Variants in CDK13 observed in about 807,000 individuals in gnomAD.
The protein encoded by CDK13 is cyclin dependent kinase 13, also known as cyclin-dependent kinase 13.
A neutral mutation model predicts 137.6 loss-of-function variants in CDK13; 40 were observed. That is an observed-to-expected ratio of 0.29 (90% CI 0.23 to 0.38). CDK13 has a LOEUF of 0.38. Among genes scored for constraint, CDK13 ranks in the 10% least tolerant of loss-of-function variants. The pLI is 1.00. For synonymous variants in CDK13, 869 were observed against 760.1 expected (o/e 1.14, Z -2.36); for missense variants, 1,704 against 1,951.8 (o/e 0.87, Z 2.39).
At chr7:40,068,390 A>T (rs749708710) in intron 9 of CDK13, among the ~76,000 whole-genome samples, 1 of 151,826 alleles carries the variant, frequency 6.6e-6, no homozygotes, top group South Asian at 2.1e-4. Context: ...AGCATGCTGT[A>T]CTGTTACTAA....
chr7:40,073,593 T>G (rs1562760939), intron 9 of CDK13: 1 of 150,112 alleles, frequency 6.7e-6, no homozygotes, highest in Non-Finnish European at 1.5e-5. Flanking sequence ...TTTCTTTCTT[T>G]CTTTTTTTTT....
chr7:40,036,431 GT>G (rs1785485020), intron 5 of CDK13, among the ~76,000 whole-genome samples: 1 of 152,144 alleles, frequency 6.6e-6, no homozygotes, highest in Non-Finnish European at 1.5e-5. Context: ...AATTAGCCAG[GT>G]GTGGTGGCAG....
intron 1 of CDK13, among the ~76,000 whole-genome samples, chr7:39,957,984 G>A (rs924513636): frequency 1.3e-5 from 2 of 152,206 alleles, no homozygotes; most frequent in South Asian, 4.1e-4. Flanking sequence ...TATAAGCTTT[G>A]AAGTGGGTGT....
chr7:40,020,260 G>A (rs1182018953), intron 5 of CDK13, among the ~76,000 whole-genome samples: 1 of 151,950 alleles, frequency 6.6e-6, no homozygotes, highest in African/African-American at 2.4e-5. Context: ...TAGAGATGGG[G>A]TTTCTCTGTG....
chr7:40,095,068 A>G lies in CDK13; in HGVS notation c.*88A>G. The G allele has an allele frequency of 1.8e-6, 2 of 1,137,548 alleles. No individual in the cohort carries two copies. Among genetic ancestry groups the G allele is most frequent in the Non-Finnish European group, 2.3e-6 (2 of 860,090 alleles). 70.5% of individuals were successfully genotyped at this position (1,137,548 alleles called of 1,614,324 possible). A position where few individuals can be genotyped will look rare whatever the true frequency, so the allele number is the denominator to read the frequency against. On this transcript the variant is annotated 3_prime_UTR_variant, in exon 14 of 14. Transcript: ENST00000181839. ...GGCAGCAATCCAAGAGACTTGAATA[A>G]TAATAATTCAACAACAGCTTTATTT...
At chr7:40,078,336 G>A (rs1051995617) in intron 10 of CDK13, 6 of 386,996 alleles carry the variant, frequency 1.6e-5, no homozygotes, top group East Asian at 8.2e-5. Flanking sequence ...TGGTGCTTAC[G>A]TGAAAGAACT....
chr7:40,063,608 G>A (rs1205454086), intron 9 of CDK13, among the ~76,000 whole-genome samples: 1 of 151,978 alleles, frequency 6.6e-6, no homozygotes, highest in Non-Finnish European at 1.5e-5. Flanking sequence ...TAGTTCATAA[G>A]CAATTACTCA....
intron 1 of CDK13, among the ~76,000 whole-genome samples, chr7:39,972,874 A>C (rs527733786): frequency 6.6e-6 from 1 of 152,272 alleles, no homozygotes; most frequent in African/African-American, 2.4e-5. Flanking sequence ...AAGAGCTGTC[A>C]AGCTGTTTTT....
At position 39,951,542 on chromosome 7, in the gene CDK13, CGGGAGG is replaced by C. The variant is rs1408395390; in HGVS notation, c.902_907del (p.Arg301_Asp303delinsHis). ...CTACAAGGAACCGCCCAAGGCCTAC[CGGGAGG>C]ACAAGACCGAGCCTAAGGCCTACAG... is the stretch of plus-strand genomic sequence containing the variant. On this transcript the variant is annotated inframe_deletion, in exon 1 of 14. Transcript: ENST00000181839. 1 of 1,537,002 alleles carries C rather than the reference CGGGAGG, an allele frequency of 6.5e-7. No homozygotes were observed. The highest frequency in any genetic ancestry group is 8.7e-7 in the Non-Finnish European group (1 of 1,144,332).
At chr7:39,963,016 C>G (rs10243877) in intron 1 of CDK13, among the ~76,000 whole-genome samples, 21,639 of 152,096 alleles carry the variant, frequency 0.14, 5,080 homozygotes, top group African/African-American at 0.49. Context: ...ATGCTGTTTT[C>G]GTTACTGTAG....
intron 1 of CDK13, among the ~76,000 whole-genome samples, chr7:39,983,044 G>T (rs982392497): frequency 2.6e-5 from 4 of 152,082 alleles, no homozygotes; most frequent in Admixed American, 1.3e-4. Flanking sequence ...GTCAATTTTG[G>T]CTTTTGTTGC....
Position 39,951,490 on chromosome 7 carries a change from T to G in CDK13, c.849T>G (p.Thr283=). The change falls in exon 1 of 14, where the codon ACT becomes ACG. Residue 283 remains threonine (T), a synonymous_variant. Transcript: ENST00000181839. ...DRDSKAHRSR[T]KSSKEPPSAY... Reference sequence around the variant, plus strand: ...ACTCGAAGGCCCACCGCAGCCGGACTAAGTCGTCCAAGGAGCCGCCTTCGG... The same window carrying G: ...ACTCGAAGGCCCACCGCAGCCGGACGAAGTCGTCCAAGGAGCCGCCTTCGG... 1 of 1,538,084 alleles carries G rather than the reference T, an allele frequency of 6.5e-7. No homozygotes were observed.
intron 2 of CDK13, among the ~76,000 whole-genome samples, chr7:39,991,987 G>T (rs1784463714): frequency 1.3e-5 from 2 of 152,042 alleles, no homozygotes. Flanking sequence ...AAGAGGTCGA[G>T]GATGCAGTGA....
intron 6 of CDK13, among the ~76,000 whole-genome samples, 164 bp from the exon 7 acceptor site, chr7:40,047,657 T>C (rs185396194): frequency 2.0e-5 from 3 of 151,982 alleles, no homozygotes; most frequent in East Asian, 1.9e-4. Flanking sequence ...ATTTATCCAC[T>C]ACTTGCCTTT....
chr7:40,037,434 C>CA (rs746072233), intron 5 of CDK13, among the ~76,000 whole-genome samples: 6 of 152,164 alleles, frequency 3.9e-5, no homozygotes, highest in Non-Finnish European at 8.8e-5. Flanking sequence ...GGGCCTTCCA[C>CA]AAAGTTGCTT....
Position 39,950,306 on chromosome 7 carries a change from C to T in CDK13, c.-336C>T, listed in dbSNP as rs1026401517. The T allele has an allele frequency of 1.6e-5, 18 of 1,104,382 alleles. No individual in the cohort carries two copies. The highest frequency in any genetic ancestry group is 3.8e-4 in the Middle Eastern group (1 of 2,656). The allele number at this position is 1,104,382 out of a possible 1,614,324, so 68.4% of individuals were successfully genotyped here. ...GAGAGCGCGGCCAAGGCCGCTCCCC[C>T]ACCCCCGGGGGCACTTGGAGGACTC... is the stretch of plus-strand genomic sequence containing the variant. On this transcript the variant is annotated 5_prime_UTR_variant, in exon 1 of 14. Coordinates refer to ENST00000181839, the MANE Select transcript of CDK13 (RefSeq NM_003718.5).
intron 7 of CDK13, among the ~76,000 whole-genome samples, chr7:40,058,077 G>A (rs1786060139): frequency 1.2e-5 from 1 of 83,962 alleles, no homozygotes; most frequent in Admixed American, 1.2e-4. Context: ...GGGGAGTTAA[G>A]ATAGGCCTCT....
intron 1 of CDK13, among the ~76,000 whole-genome samples, chr7:39,953,667 A>G (rs1390067533): frequency 3.3e-5 from 5 of 152,186 alleles, no homozygotes; most frequent in Admixed American, 6.5e-5. Context: ...ACTTGCCCTC[A>G]TAGAGCTTGC....
rs1442152402 is a variant in CDK13 at position 39,997,478 on chromosome 7, C to T, written c.1872-16C>T. 3 of 1,583,420 alleles carry T rather than the reference C, an allele frequency of 1.9e-6. No homozygotes were observed. In the African/African-American group the frequency reaches 4.1e-5, roughly 22 times the overall value. The stretch of plus-strand genomic sequence containing the variant: ...CAAAATTTTTGTTTTATTTGTCTGA[C>T]TTCTTTCACTTTCAGCTTACGAGGA... On this transcript the variant is annotated splice_polypyrimidine_tract_variant and intron_variant, in intron 2 of 13. Coordinates refer to ENST00000181839, the MANE Select transcript of CDK13 (RefSeq NM_003718.5).
Sources: gnomAD v4.1 joint callset for allele counts (sites outside exome capture counted in the v4.1 genomes callset) on GRCh38, gnomAD v4.1.1 for gene constraint, MANE v1.5 for transcripts, NCBI Gene and HGNC (gene_info 2026-07-23, HGNC 2026-07-21) for gene names.